VEZT: variants seen among roughly 807,000 people sequenced by gnomAD.
VEZT encodes the protein vezatin.
VEZT carries 39 observed loss-of-function variants against 79.9 expected under a neutral mutation model. That is an observed-to-expected ratio of 0.49 (90% CI 0.38 to 0.64). The LOEUF (loss-of-function observed/expected upper bound fraction) is 0.64. VEZT is among the 30% of genes least tolerant of loss of function. The probability of loss-of-function intolerance (pLI) is 0.00; values close to 1 mark genes in which losing one functional copy is unlikely to be tolerated. For missense variants in VEZT, 837 were observed against 893.1 expected (o/e 0.94, Z 0.80); for synonymous variants, 325 against 327.6 (o/e 0.99, Z 0.09).
At chr12:95,239,948 A>AAGAG (rs140000740) in intron 1 of VEZT, among the ~76,000 whole-genome samples, 6,469 of 119,920 alleles carry the variant, frequency 0.054, 268 homozygotes, top group Middle Eastern at 0.085. Context: ...GGAGACTCGA[A>AAGAG]AGAGAGAGAG....
rs909695893 is a variant in VEZT at position 95,270,195 on chromosome 12, T to C, written c.848+7T>C. The C allele has an allele frequency of 6.3e-7, 1 of 1,590,804 alleles. No homozygotes were observed. The highest frequency in any genetic ancestry group is 8.6e-7 in the Non-Finnish European group (1 of 1,169,206). ...CCCTATATATGCTGAAAAAATATCC[T>C]TTTCTGTTTATATATGAAACTAAGC... is the stretch of plus-strand genomic sequence containing the variant. On this transcript the variant is annotated splice_region_variant and intron_variant, in intron 6 of 11. Transcript: ENST00000436874.
intron 3 of VEZT, among the ~76,000 whole-genome samples, chr12:95,261,421 A>AT (rs1417508168): frequency 2.0e-5 from 3 of 151,508 alleles, no homozygotes; most frequent in East Asian, 1.9e-4. Flanking sequence ...TTTTATTTTT[A>AT]TTTTTTTTGA....
At chr12:95,238,857 G>T (rs1010113456) in intron 1 of VEZT, among the ~76,000 whole-genome samples, 2 of 152,148 alleles carry the variant, frequency 1.3e-5, no homozygotes, top group African/African-American at 4.8e-5. Flanking sequence ...TGTAGTCCCA[G>T]TTATCCAACA....
intron 5 of VEZT, among the ~76,000 whole-genome samples, chr12:95,268,814 A>C (rs367819202): frequency 1.6e-4 from 24 of 152,332 alleles, no homozygotes; most frequent in African/African-American, 5.5e-4. Context: ...TTGAATCATA[A>C]TTTTTTAGAC....
intron 1 of VEZT, among the ~76,000 whole-genome samples, chr12:95,243,304 G>T (rs1446482259): frequency 6.7e-6 from 1 of 149,630 alleles, no homozygotes; most frequent in East Asian, 2.0e-4. Flanking sequence ...GGAGGTTGCC[G>T]TGAGCAGAGA....
At position 95,301,199 on chromosome 12, in the gene VEZT, A is replaced by C. The variant is rs1378644688; in HGVS notation, c.*526A>C. Reference sequence around the variant, plus strand: ...TGATGTGTGCTGGGGTTTGGAACTAAAAGTAGTTTCAACAGTGCGTGGGTT... The same window carrying C: ...TGATGTGTGCTGGGGTTTGGAACTACAAGTAGTTTCAACAGTGCGTGGGTT... On this transcript the variant is annotated 3_prime_UTR_variant, in exon 12 of 12. Coordinates refer to ENST00000436874, the MANE Select transcript of VEZT (RefSeq NM_017599.4). 1 of 152,216 alleles carries C rather than the reference A, an allele frequency of 6.6e-6. No homozygotes were observed. Among genetic ancestry groups the C allele is most frequent in the African/African-American group, 2.4e-5 (1 of 41,440 alleles). 9.4% of individuals were successfully genotyped at this position (152,216 alleles called of 1,614,324 possible).
At chr12:95,288,546 CAGACTT>C (rs542902953) in intron 9 of VEZT, among the ~76,000 whole-genome samples, 67 of 152,300 alleles carry the variant, frequency 4.4e-4, no homozygotes, top group Admixed American at 2.8e-3. Flanking sequence ...TGAGGTTACT[CAGACTT>C]AGGCATAGAA....
At chr12:95,236,425 G>GAGGGAGACTGTGGGAA (rs1177454613) in intron 1 of VEZT, among the ~76,000 whole-genome samples, 1 of 152,168 alleles carries the variant, frequency 6.6e-6, no homozygotes. Flanking sequence ...AAGAGAGGGA[G>GAGGGAGACTGTGGGAA]AGGGAGACTG....
At chr12:95,250,805 A>G (rs1319353501) in intron 1 of VEZT, among the ~76,000 whole-genome samples, 1 of 145,534 alleles carries the variant, frequency 6.9e-6, no homozygotes, top group Non-Finnish European at 1.5e-5. Context: ...TAGCTTATAT[A>G]TAGTTAAAAG....
intron 7 of VEZT, among the ~76,000 whole-genome samples, chr12:95,280,896 C>T (rs1394681699): frequency 1.3e-5 from 2 of 151,992 alleles, no homozygotes; most frequent in African/African-American, 2.4e-5. Flanking sequence ...CTAGATATCA[C>T]ATCTGTAGCA....
At chr12:95,229,494 C>T (rs1401146716) in intron 1 of VEZT, among the ~76,000 whole-genome samples, 2 of 152,270 alleles carry the variant, frequency 1.3e-5, no homozygotes, top group African/African-American at 4.8e-5. Context: ...CAGGATCATC[C>T]TTTATACCAT....
At chr12:95,223,862 A>G (rs1243601984) in intron 1 of VEZT, among the ~76,000 whole-genome samples, 1 of 151,832 alleles carries the variant, frequency 6.6e-6, no homozygotes, top group East Asian at 1.9e-4. Flanking sequence ...CCATTCATCT[A>G]TTTGTGTTTA....
intron 6 of VEZT, among the ~76,000 whole-genome samples, chr12:95,273,751 A>G (rs2067097707): frequency 6.6e-6 from 1 of 152,222 alleles, no homozygotes; most frequent in African/African-American, 2.4e-5. Flanking sequence ...TTGTATTACA[A>G]AGAATATAGA....
intron 1 of VEZT, among the ~76,000 whole-genome samples, chr12:95,246,654 A>G (rs1293852887): frequency 6.6e-6 from 1 of 152,184 alleles, no homozygotes; most frequent in Non-Finnish European, 1.5e-5. Flanking sequence ...TTCTGGTGTT[A>G]TGATATGTGT....
At chr12:95,265,174 A>G (rs1179930106) in intron 4 of VEZT, among the ~76,000 whole-genome samples, 2 of 152,114 alleles carry the variant, frequency 1.3e-5, no homozygotes, top group African/African-American at 2.4e-5. Context: ...TCTTTCTTAT[A>G]TATACACATT....
intron 3 of VEZT, 116 bp downstream of exon 3, chr12:95,257,355 T>G: frequency 1.3e-6 from 1 of 765,764 alleles, no homozygotes; most frequent in Non-Finnish European, 2.1e-6. Context: ...TTACTAGAGA[T>G]TCTGCAGTAA....
At chr12:95,245,385 C>T in intron 1 of VEZT, 1 of 389,458 alleles carries the variant, frequency 2.6e-6, no homozygotes, top group Non-Finnish European at 5.0e-6. Flanking sequence ...GGAAACAGAG[C>T]ATACCTAGAA....
chr12:95,262,836 T>G, intron 3 of VEZT, 70 bp from the exon 4 acceptor site: 1 of 1,346,764 alleles, frequency 7.4e-7, no homozygotes, highest in Non-Finnish European at 9.8e-7. Context: ...TATTAGTACA[T>G]TAGGAGCTTA....
At chr12:95,240,013 AGAGAAAGAAAGGAAGGAAGGAAGG>A (rs1566039386) in intron 1 of VEZT, among the ~76,000 whole-genome samples, 1 of 127,188 alleles carries the variant, frequency 7.9e-6, no homozygotes, top group Non-Finnish European at 1.7e-5. Context: ...AGAGAGAAAG[AGAGAAAGAAAGGAAGGAAGGAAGG>A]AAGGAAGGAA....
Sources: gnomAD v4.1 joint callset for allele counts (sites outside exome capture counted in the v4.1 genomes callset) on GRCh38, gnomAD v4.1.1 for gene constraint, MANE v1.5 for transcripts, NCBI Gene and HGNC (gene_info 2026-07-23, HGNC 2026-07-21) for gene names.